SNX8: variants seen among roughly 807,000 people sequenced by gnomAD.
SNX8 encodes sorting nexin-8.
SNX8 carries 25 observed loss-of-function variants against 51.6 expected under a neutral mutation model. The observed-to-expected ratio is 0.48, with a 90% CI of 0.35 to 0.68. The LOEUF (loss-of-function observed/expected upper bound fraction) is 0.68. Among genes scored for constraint, SNX8 ranks in the 30% least tolerant of loss-of-function variants. The pLI, the probability that SNX8 is intolerant of heterozygous loss-of-function variation, is 0.00. For synonymous variants in SNX8, 324 were observed against 277.0 expected (o/e 1.17, Z -1.68); for missense variants, 695 against 624.0 (o/e 1.11, Z -1.21).
At chr7:2,347,354 G>C (rs1404455023) in intron 1 of SNX8, among the ~76,000 whole-genome samples, 1 of 151,334 alleles carries the variant, frequency 6.6e-6, no homozygotes. Flanking sequence ...CGTGGTGGGC[G>C]CCTGTAGTCC....
intron 1 of SNX8, among the ~76,000 whole-genome samples, chr7:2,350,305 G>A (rs1206708811): frequency 2.6e-5 from 4 of 152,244 alleles, no homozygotes; most frequent in African/African-American, 7.2e-5. Context: ...CCCAGTCTCC[G>A]GGCTCAGGCA....
At chr7:2,257,632 G>C (rs961774617) in intron 8 of SNX8, 103 bp downstream of exon 8, 1 of 1,563,838 alleles carries the variant, frequency 6.4e-7, no homozygotes, top group Non-Finnish European at 8.8e-7. Flanking sequence ...CTGCAGCCCT[G>C]GCTTCTCAGC....
intron 1 of SNX8, among the ~76,000 whole-genome samples, chr7:2,319,936 T>C (rs1277156936): frequency 2.7e-5 from 4 of 150,036 alleles, no homozygotes; most frequent in African/African-American, 9.8e-5. Context: ...GCCGAGATCA[T>C]GCCACTGCAC....
intron 3 of SNX8, among the ~76,000 whole-genome samples, chr7:2,272,742 C>T (rs537625260): frequency 2.0e-5 from 3 of 152,118 alleles, no homozygotes; most frequent in East Asian, 1.9e-4. Context: ...TGCTTTCATT[C>T]GGGTTAAATA....
intron 1 of SNX8, chr7:2,309,999 C>T (rs192097757): frequency 7.5e-6 from 3 of 400,900 alleles, no homozygotes; most frequent in East Asian, 7.2e-5. Flanking sequence ...GCTTCCGAAC[C>T]GAATGGAATG....
intron 1 of SNX8, among the ~76,000 whole-genome samples, chr7:2,282,609 G>A (rs1374839004): frequency 6.6e-6 from 1 of 152,208 alleles, no homozygotes; most frequent in Non-Finnish European, 1.5e-5. Context: ...TAACAACACA[G>A]AGCAGGTGAG....
At chr7:2,272,400 G>A (rs540876491) in intron 3 of SNX8, among the ~76,000 whole-genome samples, 28 of 150,550 alleles carry the variant, frequency 1.9e-4, no homozygotes, top group African/African-American at 6.8e-4. Context: ...TTGAGACAGA[G>A]TTTCGCTCCT....
intron 4 of SNX8, among the ~76,000 whole-genome samples, chr7:2,271,631 G>A (rs34502289): frequency 0.28 from 43,229 of 152,056 alleles, 7,671 homozygotes; most frequent in East Asian, 0.51. Flanking sequence ...ATCTCCACGC[G>A]GATTTACAAA....
chr7:2,286,522 AT>A (rs767398836), intron 1 of SNX8, among the ~76,000 whole-genome samples: 915 of 71,750 alleles, frequency 0.013, 7 homozygotes, highest in African/African-American at 0.021. Flanking sequence ...CTATTTTATA[AT>A]TTTTTTTTTT....
intron 5 of SNX8, among the ~76,000 whole-genome samples, chr7:2,266,370 T>G (rs1274106187): frequency 6.6e-6 from 1 of 151,316 alleles, no homozygotes; most frequent in African/African-American, 2.4e-5. Flanking sequence ...TTCTTTTTTT[T>G]GATGGTGTCT....
chr7:2,307,403 C>CGG (rs372625970), intron 1 of SNX8, among the ~76,000 whole-genome samples: 2 of 151,798 alleles, frequency 1.3e-5, no homozygotes, highest in African/African-American at 4.8e-5. Context: ...GAAGCCAAGG[C>CGG]GGGGGGATCA....
rs545257263 is a variant in SNX8 at position 2,343,442 on chromosome 7, G to A, written c.-66+10780C>T. Among the ~76,000 whole-genome samples, 542 of 151,738 alleles carry A rather than the reference G, an allele frequency of 3.6e-3. 5 individuals are homozygous for A. The highest frequency in any genetic ancestry group is 0.012 in the African/African-American group (516 of 41,430). On this transcript the variant is annotated intron_variant, in intron 1 of 5. Transcript: ENST00000435336. ...TGTAATCCCAGCACCTTGGGAGGCC[G>A]AGGCGGGCGGATCACGAGATCAGGA...
intron 1 of SNX8, among the ~76,000 whole-genome samples, chr7:2,321,561 G>A (rs943965777): frequency 6.6e-6 from 1 of 150,956 alleles, no homozygotes; most frequent in South Asian, 2.1e-4. Context: ...CAAGTAGCTG[G>A]AATAACAGGC....
intron 1 of SNX8, among the ~76,000 whole-genome samples, chr7:2,328,646 CT>C (rs1778671354): frequency 6.6e-6 from 1 of 151,132 alleles, no homozygotes. Context: ...AACACCATCT[CT>C]ATTAAAAATA....
intron 1 of SNX8, among the ~76,000 whole-genome samples, chr7:2,290,453 G>A (rs998536241): frequency 6.6e-6 from 1 of 151,558 alleles, no homozygotes. Flanking sequence ...GCAGTGAGCC[G>A]AGATCACACC....
At chr7:2,262,538 A>T (rs995268507) in intron 7 of SNX8, among the ~76,000 whole-genome samples, 4 of 151,958 alleles carry the variant, frequency 2.6e-5, no homozygotes, top group African/African-American at 9.7e-5. Flanking sequence ...CTGGGGCTTT[A>T]TTATTCTGAT....
chr7:2,308,565 G>A (rs1796596264), intron 1 of SNX8, among the ~76,000 whole-genome samples: 1 of 149,756 alleles, frequency 6.7e-6, no homozygotes, highest in Non-Finnish European at 1.5e-5. Flanking sequence ...CTACGGGGGA[G>A]ACTGAGGCAG....
At position 2,262,730 on chromosome 7, in the gene SNX8, C is replaced by G. The variant is rs142122634; in HGVS notation, c.915+500G>C. On this transcript the variant is annotated intron_variant, in intron 7 of 10. Coordinates refer to ENST00000222990, the MANE Select transcript of SNX8 (RefSeq NM_013321.4). ...AATCTGTTTTGTCGCTGGCAACCCC[C>G]TCTCGAAAGCGTAAACGCTCCCAGG... Among the ~76,000 whole-genome samples the G allele has an allele frequency of 4.8e-3, 737 of 152,360 alleles. 4 individuals carry two copies. The highest frequency in any genetic ancestry group is 0.017 in the African/African-American group (688 of 41,576).
At chr7:2,294,108 A>G (rs531769433) in intron 1 of SNX8, among the ~76,000 whole-genome samples, 2 of 151,680 alleles carry the variant, frequency 1.3e-5, no homozygotes, top group Non-Finnish European at 2.9e-5. Context: ...CTAGAAATAC[A>G]AAAAATTAGC....
Sources: gnomAD v4.1 joint callset for allele counts (sites outside exome capture counted in the v4.1 genomes callset) on GRCh38, gnomAD v4.1.1 for gene constraint, MANE v1.5 for transcripts, NCBI Gene and HGNC (gene_info 2026-07-23, HGNC 2026-07-21) for gene names.